Variants in ADAMTS9 observed in about 807,000 individuals in gnomAD.
The protein encoded by ADAMTS9 is ADAM metallopeptidase with thrombospondin type 1 motif 9.
ADAMTS9 carries 107 observed loss-of-function variants against 257.1 expected under a neutral mutation model. The observed-to-expected ratio is 0.42, with a 90% CI of 0.36 to 0.49. The LOEUF is 0.49. Among genes scored for constraint, ADAMTS9 ranks in the 20% least tolerant of loss-of-function variants. ADAMTS9 has a pLI of 0.03. For missense variants in ADAMTS9, 2,353 were observed against 2,469.1 expected, an observed-to-expected ratio of 0.95 and a Z score of 1.00; for synonymous variants, 982 against 880.9, an observed-to-expected ratio of 1.11 and a Z score of -2.03.
chr3:64,634,268 G>A (rs1008472527), intron 12 of ADAMTS9, among the ~76,000 whole-genome samples: 2 of 152,050 alleles, frequency 1.3e-5, no homozygotes, highest in African/African-American at 4.8e-5. Context: ...AAATGTAGAA[G>A]GTGAAAGGTA....
intron 30 of ADAMTS9, among the ~76,000 whole-genome samples, chr3:64,561,041 G>A (rs995007159): frequency 1.3e-5 from 2 of 149,236 alleles, no homozygotes; most frequent in South Asian, 2.2e-4. Flanking sequence ...GACCATCAAC[G>A]GAGCAGTTTC....
At chr3:64,685,872 G>A (rs973261474) in intron 2 of ADAMTS9, among the ~76,000 whole-genome samples, 3 of 152,126 alleles carry the variant, frequency 2.0e-5, no homozygotes, top group Non-Finnish European at 4.4e-5. Flanking sequence ...CCCGCCAGTA[G>A]GGTGCAGAGT....
chr3:64,594,403 G>T lies in ADAMTS9; in HGVS notation c.4211C>A (p.Thr1404Lys). Residue 1404 changes from threonine to lysine, a missense_variant, in exon 28 of 40, where the codon ACA (threonine) becomes AAA (lysine). Thr to Lys is a moderately conservative substitution (Grantham distance 78). Around this residue, in one of 3 missense-constraint regions of ADAMTS9, gnomAD observed 1,402 missense variants for 1,441.4 expected, o/e 0.97. Transcript: ENST00000498707. ...CTKLCGGGIRTRLVVCQRSNG... is the reference protein window; with the variant it reads ...CTKLCGGGIRKRLVVCQRSNG... ...GGACCGCTGACAGACCACCAGTCTT[G>T]TTCTTATGCCTCCACCACACAGCTT... The T allele has an allele frequency of 6.2e-7, 1 of 1,614,072 alleles. No individual in the cohort carries two copies. The highest frequency in any genetic ancestry group is 8.5e-7 in the Non-Finnish European group (1 of 1,179,962).
intron 31 of ADAMTS9, among the ~76,000 whole-genome samples, chr3:64,548,019 T>C (rs538236702): frequency 6.6e-6 from 1 of 152,292 alleles, no homozygotes; most frequent in East Asian, 1.9e-4. Flanking sequence ...CTTACGGTTC[T>C]TGGGTGAGGG....
chr3:64,541,746 A>C (rs923572424), intron 33 of ADAMTS9, 92 bp downstream of exon 33: 1 of 1,576,742 alleles, frequency 6.3e-7, no homozygotes, highest in Non-Finnish European at 8.7e-7. Flanking sequence ...TTCAGAAAAA[A>C]TTCTATATTT....
At chr3:64,604,856 C>G (rs2084530334) in intron 23 of ADAMTS9, among the ~76,000 whole-genome samples, 1 of 152,184 alleles carries the variant, frequency 6.6e-6, no homozygotes, top group African/African-American at 2.4e-5. Context: ...TCATATAACA[C>G]CCCTCAATCA....
intron 28 of ADAMTS9, among the ~76,000 whole-genome samples, chr3:64,584,890 C>A (rs1260143685): frequency 6.6e-6 from 1 of 152,136 alleles, no homozygotes; most frequent in East Asian, 1.9e-4. Flanking sequence ...AAATACCGTA[C>A]AACTCTCTAA....
chr3:64,605,637 G>A (rs35859620), intron 23 of ADAMTS9, among the ~76,000 whole-genome samples: 21,103 of 152,082 alleles, frequency 0.14, 2,023 homozygotes, highest in Middle Eastern at 0.22. Context: ...ATGCAAACCC[G>A]AGTGTTCTCT....
chr3:64,648,427 C>G (rs1165987703), intron 10 of ADAMTS9, among the ~76,000 whole-genome samples: 2 of 152,184 alleles, frequency 1.3e-5, no homozygotes, highest in Non-Finnish European at 2.9e-5. Flanking sequence ...CAGTAATAGA[C>G]AGCATTTAAG....
In ADAMTS9 at chr3:64,626,676, C is replaced by T. The variant is rs1700229242; in HGVS notation, c.2390-4090G>A. On this transcript the variant is annotated intron_variant, in intron 16 of 39. Coordinates refer to ENST00000498707, the MANE Select transcript of ADAMTS9 (RefSeq NM_182920.2). ...TGCACGTAAGAAACCTGTAGTCCTACCCCTTAAATATATAAGATGATAAAA... is the reference window on the plus strand; with the variant it reads ...TGCACGTAAGAAACCTGTAGTCCTATCCCTTAAATATATAAGATGATAAAA... Among the ~76,000 whole-genome samples, 5 of 152,162 alleles carry T rather than the reference C, an allele frequency of 3.3e-5. No homozygotes were observed. The South Asian group carries it at 1.0e-3, about 32-fold the overall frequency.
chr3:64,529,823 G>C (rs1286315485), intron 38 of ADAMTS9, among the ~76,000 whole-genome samples: 1 of 151,878 alleles, frequency 6.6e-6, no homozygotes, highest in East Asian at 1.9e-4. Flanking sequence ...GGTGGGTTTT[G>C]TTTTGTTTTG....
At chr3:64,642,806 G>C (rs1010810178) in intron 11 of ADAMTS9, among the ~76,000 whole-genome samples, 3 of 152,194 alleles carry the variant, frequency 2.0e-5, no homozygotes, top group Non-Finnish European at 4.4e-5. Flanking sequence ...TCTCTGAAGC[G>C]GAGCTGGTGG....
chr3:64,632,916 G>A (rs1291315285), intron 14 of ADAMTS9, among the ~76,000 whole-genome samples: 3 of 151,956 alleles, frequency 2.0e-5, no homozygotes, highest in African/African-American at 4.8e-5. Flanking sequence ...TAACGAGAAC[G>A]TTGAAATGGT....
chr3:64,579,889 C>CGT (rs1559774984), intron 28 of ADAMTS9, among the ~76,000 whole-genome samples: 1 of 152,128 alleles, frequency 6.6e-6, no homozygotes, highest in Non-Finnish European at 1.5e-5. Context: ...GCACAGGCGA[C>CGT]ATCTAAAGGG....
intron 29 of ADAMTS9, among the ~76,000 whole-genome samples, chr3:64,563,832 C>A (rs1217255887): frequency 6.6e-6 from 1 of 152,176 alleles, no homozygotes; most frequent in Non-Finnish European, 1.5e-5. Flanking sequence ...ATAATGCATT[C>A]ACAGTAATCT....
chr3:64,564,873 A>G (rs2083503742), intron 29 of ADAMTS9, among the ~76,000 whole-genome samples: 1 of 152,226 alleles, frequency 6.6e-6, no homozygotes, highest in Non-Finnish European at 1.5e-5. Flanking sequence ...AAACAAAAAA[A>G]CAGAGATAAT....
chr3:64,582,713 G>T (rs912065882), intron 28 of ADAMTS9: 3 of 152,172 alleles, frequency 2.0e-5, no homozygotes, highest in African/African-American at 7.2e-5. Context: ...GTCCCAAACA[G>T]TCCCTACAAC....
In ADAMTS9 at chr3:64,654,426, A is replaced by C. The variant is rs562982582; in HGVS notation, c.1243T>G (p.Tyr415Asp). Residue 415 changes from tyrosine to aspartate, a missense_variant, in exon 8 of 40, where the codon TAT becomes GAT. Physicochemically the swap from Tyr to Asp is radical, Grantham distance 160. This residue lies in a region of ADAMTS9 where 591 missense variants were observed against 569.6 expected (regional missense o/e 1.04). Transcript: ENST00000498707. ...TCTTCACTAATAGAACAGCTTCTAT[A>C]GGGATCACAAATGGTTCCCAGTTCA... ...LAELGTICDP[Y>D]RSCSISEDSG... The C allele has an allele frequency of 6.2e-7, 1 of 1,614,220 alleles. No individual in the cohort carries two copies. Among genetic ancestry groups the C allele is most frequent in the South Asian group, 1.1e-5 (1 of 91,084 alleles).
intron 27 of ADAMTS9, 83 bp downstream of exon 27, chr3:64,596,747 T>C (rs2084371583): frequency 3.3e-6 from 5 of 1,536,976 alleles, no homozygotes; most frequent in Non-Finnish European, 3.5e-6. Context: ...CTAGTTCTTC[T>C]CCTTGAAAAT....
Sources: allele counts gnomAD v4.1 joint callset (sites outside exome capture counted in the v4.1 genomes callset), GRCh38; gene constraint gnomAD v4.1.1; regional missense constraint gnomAD v4.1.1; transcripts MANE v1.5; gene names NCBI Gene and HGNC (gene_info 2026-07-23, HGNC 2026-07-21).